PDE4D: variants seen among roughly 807,000 people sequenced by gnomAD.
PDE4D encodes 3',5'-cyclic-AMP phosphodiesterase 4D.
PDE4D carries 24 observed loss-of-function variants against 87.4 expected under a neutral mutation model. That is an observed-to-expected ratio of 0.27 (90% CI 0.20 to 0.39). The LOEUF (loss-of-function observed/expected upper bound fraction) is 0.39. PDE4D is among the 10% of genes least tolerant of loss of function. The pLI, the probability that PDE4D is intolerant of heterozygous loss-of-function variation, is 1.00. For synonymous variants in PDE4D, 384 were observed against 383.2 expected (o/e 1.00, Z -0.02); for missense variants, 714 against 1,041.0 (o/e 0.69, Z 4.32).
intron 2 of PDE4D, among the ~76,000 whole-genome samples, chr5:60,118,740 A>G (rs1406860056): frequency 1.3e-5 from 2 of 152,096 alleles, no homozygotes; most frequent in East Asian, 3.9e-4. Flanking sequence ...CAGCCACTAG[A>G]TCAGTGTTTC....
rs550858073 is a variant in PDE4D, at chr5:59,436,891, T to C, written c.456-220923A>G. 1.7e-3 allele frequency among the ~76,000 whole-genome samples: 258 copies of C among 152,336 alleles called. 2 individuals are homozygous for C. Among genetic ancestry groups the C allele is most frequent in the African/African-American group, 6.0e-3 (250 of 41,582 alleles). On this transcript the variant is annotated intron_variant, in intron 1 of 14. Transcript: ENST00000340635. ...TACTTAAGTAAAGGAGAAAACCACA[T>C]GGACGGATACCTTAGAAGAGGAAGT...
chr5:59,102,672 G>A (rs1220058218), intron 5 of PDE4D, among the ~76,000 whole-genome samples: 2 of 152,054 alleles, frequency 1.3e-5, no homozygotes, highest in African/African-American at 4.8e-5. Context: ...TCTCAAAGGG[G>A]GTTCCCCATC....
At chr5:59,920,410 T>C (rs1187372493) in intron 3 of PDE4D, among the ~76,000 whole-genome samples, 6 of 152,264 alleles carry the variant, frequency 3.9e-5, no homozygotes, top group Non-Finnish European at 7.3e-5. Flanking sequence ...ATGTGTTGAA[T>C]GTACAATTCT....
At chr5:59,970,970 A>G (rs1760677257) in intron 3 of PDE4D, among the ~76,000 whole-genome samples, 1 of 151,408 alleles carries the variant, frequency 6.6e-6, no homozygotes, top group Admixed American at 6.6e-5. Flanking sequence ...ATGTCCAACA[A>G]TGATAGACTG....
At chr5:59,144,043 A>G (rs550140317) in intron 5 of PDE4D, among the ~76,000 whole-genome samples, 1 of 152,366 alleles carries the variant, frequency 6.6e-6, no homozygotes, top group African/African-American at 2.4e-5. Flanking sequence ...TGCTAGTCAC[A>G]TGCTTTAAAG....
intron 1 of PDE4D, among the ~76,000 whole-genome samples, chr5:59,890,216 C>T (rs1199464395): frequency 4.0e-5 from 6 of 151,310 alleles, no homozygotes; most frequent in South Asian, 2.1e-4. Flanking sequence ...ACTATTTAAA[C>T]CCCCCATTTG....
intron 2 of PDE4D, among the ~76,000 whole-genome samples, chr5:60,099,509 C>G (rs1249051478): frequency 6.6e-6 from 1 of 151,694 alleles, no homozygotes; most frequent in African/African-American, 2.4e-5. Context: ...CAACTCAGAT[C>G]ATAAACAAAG....
intron 1 of PDE4D, among the ~76,000 whole-genome samples, chr5:60,351,785 ATTTAT>A (rs1227878157): frequency 7.9e-6 from 1 of 127,190 alleles, no homozygotes; most frequent in Non-Finnish European, 1.5e-5. Context: ...TAATTATTTT[ATTTAT>A]TTATTTATTT....
intron 1 of PDE4D, among the ~76,000 whole-genome samples, chr5:60,190,894 T>A (rs1214857316): frequency 6.6e-6 from 1 of 152,040 alleles, no homozygotes; most frequent in African/African-American, 2.4e-5. Context: ...ACTAGAAGAG[T>A]CAAGTGATCT....
At chr5:59,477,037 AAC>A (rs1803393526) in intron 1 of PDE4D, among the ~76,000 whole-genome samples, 1 of 152,012 alleles carries the variant, frequency 6.6e-6, no homozygotes, top group African/African-American at 2.4e-5. Flanking sequence ...AAAGCTAGGG[AAC>A]ACAAAAATGA....
intron 2 of PDE4D, chr5:60,185,500 A>T: frequency 8.3e-7 from 1 of 1,203,262 alleles, no homozygotes; most frequent in Non-Finnish European, 1.2e-6. Context: ...CAAAACCAAA[A>T]CTAAAATGTT....
At chr5:60,199,873 T>C (rs1323499650) in intron 1 of PDE4D, among the ~76,000 whole-genome samples, 1 of 151,700 alleles carries the variant, frequency 6.6e-6, no homozygotes, top group Non-Finnish European at 1.5e-5. Context: ...AGACCCCATA[T>C]TCCCAGCAAG....
At chr5:59,295,458 C>G (rs1207171336) in intron 1 of PDE4D, among the ~76,000 whole-genome samples, 1 of 152,016 alleles carries the variant, frequency 6.6e-6, no homozygotes, top group African/African-American at 2.4e-5. Context: ...TAGACTTGTC[C>G]TCATCTTTAA....
At chr5:59,206,802 T>A (rs920361802) in intron 2 of PDE4D, among the ~76,000 whole-genome samples, 1 of 152,198 alleles carries the variant, frequency 6.6e-6, no homozygotes, top group African/African-American at 2.4e-5. Flanking sequence ...TTATTTAGAA[T>A]GTGGTGGAAA....
chr5:60,210,665 C>T (rs1743093476), intron 1 of PDE4D, among the ~76,000 whole-genome samples: 1 of 152,016 alleles, frequency 6.6e-6, no homozygotes, highest in African/African-American at 2.4e-5. Flanking sequence ...TCTAAGAAAC[C>T]ATGTTAATTA....
intron 1 of PDE4D, among the ~76,000 whole-genome samples, chr5:59,700,783 T>C (rs1752446213): frequency 6.6e-6 from 1 of 152,172 alleles, no homozygotes; most frequent in Admixed American, 6.5e-5. Context: ...TCAGATCACA[T>C]GCCAATCATA....
At chr5:59,326,438 C>T (rs935334963) in intron 1 of PDE4D, among the ~76,000 whole-genome samples, 10 of 151,640 alleles carry the variant, frequency 6.6e-5, no homozygotes, top group African/African-American at 2.4e-4. Flanking sequence ...AGAGTAGCCC[C>T]CCCCAAGACA....
chr5:60,014,091 T>TAAAA lies in PDE4D; in HGVS notation c.43-25378_43-25375dup, dbSNP rs36035984. On this transcript the variant is annotated intron_variant, in intron 2 of 16. Transcript: ENST00000502484. ...CTGGCAACAGAGCAAGACTCCACCT[T>TAAAA]AAAAAAAAAAAAAAAAAAAAAAAGT... Among the ~76,000 whole-genome samples, 80 of 96,448 alleles carry TAAAA rather than the reference T, an allele frequency of 8.3e-4. 1 individual carries two copies. The highest frequency in any genetic ancestry group is 3.1e-3 in the African/African-American group (78 of 25,168). 63.3% of individuals were successfully genotyped at this position (96,448 alleles called of 152,430 possible).
chr5:59,217,900 C>G, intron 1 of PDE4D: 1 of 359,410 alleles, frequency 2.8e-6, no homozygotes, highest in East Asian at 9.0e-5. Flanking sequence ...GGATCTTTGG[C>G]AAACTCTCCT....
Sources: gnomAD v4.1 joint callset for allele counts (sites outside exome capture counted in the v4.1 genomes callset) on GRCh38, gnomAD v4.1.1 for gene constraint, MANE v1.5 for transcripts, NCBI Gene and HGNC (gene_info 2026-07-23, HGNC 2026-07-21) for gene names.